Variants in GABRB2 observed in about 807,000 individuals in gnomAD.
GABRB2 encodes the protein gamma-aminobutyric acid type A receptor subunit beta2, also known as gamma-aminobutyric acid receptor subunit beta-2.
Under a neutral mutation model 54.7 loss-of-function variants are expected in GABRB2, and 16 were observed. That is an observed-to-expected ratio of 0.29 (90% confidence interval 0.20 to 0.44). The LOEUF is 0.44. Among genes scored for constraint, GABRB2 ranks in the 20% least tolerant of loss-of-function variants. The pLI, the probability that GABRB2 is intolerant of heterozygous loss-of-function variation, is 1.00. For synonymous variants in GABRB2, 244 were observed against 233.8 expected, an observed-to-expected ratio of 1.04 and a Z score of -0.40; for missense variants, 355 against 644.0, an observed-to-expected ratio of 0.55 and a Z score of 4.86.
intron 4 of GABRB2, chr5:161,459,346 C>G: frequency 2.3e-6 from 1 of 433,412 alleles, no homozygotes; most frequent in Non-Finnish European, 4.2e-6. Context: ...TATGTCTCAG[C>G]TATTTTGATA....
At chr5:161,337,773 C>G (rs941912794) in intron 5 of GABRB2, among the ~76,000 whole-genome samples, 6 of 151,954 alleles carry the variant, frequency 3.9e-5, no homozygotes, top group Non-Finnish European at 8.8e-5. Context: ...TAATATCTTA[C>G]AAATTCACCC....
intron 3 of GABRB2, among the ~76,000 whole-genome samples, chr5:161,501,453 A>C (rs1759439522): frequency 6.6e-6 from 1 of 152,168 alleles, no homozygotes; most frequent in African/African-American, 2.4e-5. Context: ...GAAGTTGTTA[A>C]CTATGCTACT....
At chr5:161,516,901 G>T (rs1469673886) in intron 3 of GABRB2, among the ~76,000 whole-genome samples, 1 of 152,088 alleles carries the variant, frequency 6.6e-6, no homozygotes, top group Non-Finnish European at 1.5e-5. Flanking sequence ...ATGTCTATTA[G>T]TTCCCAACCC....
In GABRB2 at chr5:161,398,932, T is replaced by C. The variant is rs547760813; in HGVS notation, c.541+12043A>G. ...ATCGATCTCTTCACTGTTTTATTTT[T>C]TGCCACCAATTTCCAACTCAAAGTT... On this transcript the variant is annotated intron_variant, in intron 5 of 9. Coordinates refer to ENST00000393959, the MANE Select transcript of GABRB2 (RefSeq NM_001371727.1). Among the ~76,000 whole-genome samples the C allele has an allele frequency of 2.6e-5, 4 of 152,210 alleles. No individual in the cohort carries two copies. In the South Asian group the frequency reaches 8.3e-4, roughly 32 times the overall value.
chr5:161,339,692 T>C (rs962570746), intron 5 of GABRB2, among the ~76,000 whole-genome samples: 1 of 152,138 alleles, frequency 6.6e-6, no homozygotes, highest in African/African-American at 2.4e-5. Flanking sequence ...AATCATTTTA[T>C]AGGTGAACAG....
At chr5:161,541,479 A>G (rs1760815156) in intron 3 of GABRB2, among the ~76,000 whole-genome samples, 1 of 152,196 alleles carries the variant, frequency 6.6e-6, no homozygotes, top group South Asian at 2.1e-4. Context: ...CTTATCTAAT[A>G]AAGTCTTTTG....
chr5:161,443,714 C>T (rs763954827), intron 4 of GABRB2, among the ~76,000 whole-genome samples: 1 of 152,182 alleles, frequency 6.6e-6, no homozygotes, highest in Non-Finnish European at 1.5e-5. Context: ...CTCTGCCCAG[C>T]CCCTGGCCAC....
At chr5:161,478,618 T>C (rs983583171) in intron 3 of GABRB2, among the ~76,000 whole-genome samples, 1 of 151,980 alleles carries the variant, frequency 6.6e-6, no homozygotes, top group Non-Finnish European at 1.5e-5. Context: ...TTGAAAGAGA[T>C]ATTGGGAGAG....
At chr5:161,537,733 T>C (rs1760686113) in intron 3 of GABRB2, among the ~76,000 whole-genome samples, 1 of 152,186 alleles carries the variant, frequency 6.6e-6, no homozygotes, top group African/African-American at 2.4e-5. Context: ...TGCAATTCTA[T>C]TGACACTATT....
In GABRB2 at chr5:161,290,543, C is replaced by G. The variant is rs1580950578; in HGVS notation, c.*3538G>C. 1 of 152,450 alleles carries G rather than the reference C, an allele frequency of 6.6e-6. No individual in the cohort carries two copies. The highest frequency in any genetic ancestry group is 1.5e-5 in the Non-Finnish European group (1 of 67,974). 9.4% of individuals were successfully genotyped at this position (152,450 alleles called of 1,614,324 possible). On this transcript the variant is annotated 3_prime_UTR_variant, in exon 10 of 10. Transcript: ENST00000393959. ...ATTTTTGTTTGCCAAATTAAAAATA[C>G]TCATATACTGGTTTAATGAAGGAAA...
intron 5 of GABRB2, among the ~76,000 whole-genome samples, chr5:161,378,207 A>C (rs112738699): frequency 0.024 from 3,658 of 152,152 alleles, 144 homozygotes; most frequent in African/African-American, 0.082. Flanking sequence ...ATTATCTGTA[A>C]ATTGGAAGGA....
chr5:161,459,587 T>A (rs1758058991), intron 4 of GABRB2, 37 bp downstream of exon 4: 1 of 1,524,312 alleles, frequency 6.6e-7, no homozygotes, highest in Non-Finnish European at 9.1e-7. Context: ...GCTATTTTGT[T>A]CAGGAAAAGT....
At chr5:161,499,858 AT>A (rs926964286) in intron 3 of GABRB2, among the ~76,000 whole-genome samples, 11 of 151,406 alleles carry the variant, frequency 7.3e-5, no homozygotes, top group South Asian at 2.1e-4. Flanking sequence ...TCTATTAATA[AT>A]TTTTTTTTAG....
intron 5 of GABRB2, among the ~76,000 whole-genome samples, chr5:161,404,262 A>C (rs2113091760): frequency 6.6e-6 from 1 of 152,242 alleles, no homozygotes; most frequent in East Asian, 1.9e-4. Context: ...ACAACACTGG[A>C]CACAATTCAA....
chr5:161,490,756 A>G (rs948264693), intron 3 of GABRB2, among the ~76,000 whole-genome samples: 2 of 151,746 alleles, frequency 1.3e-5, no homozygotes, highest in African/African-American at 2.4e-5. Flanking sequence ...GTTAATAAAA[A>G]CACGTAAGTG....
intron 7 of GABRB2, among the ~76,000 whole-genome samples, chr5:161,334,239 A>G (rs1753929043): frequency 6.9e-6 from 1 of 145,716 alleles, no homozygotes; most frequent in Admixed American, 6.8e-5. Flanking sequence ...GTTTGTTAGA[A>G]AAAAACAGCA....
At chr5:161,477,902 G>A (rs1181042811) in intron 3 of GABRB2, among the ~76,000 whole-genome samples, 1 of 151,954 alleles carries the variant, frequency 6.6e-6, no homozygotes, top group African/African-American at 2.4e-5. Context: ...CTATGTGTAT[G>A]TAATAACACC....
intron 5 of GABRB2, among the ~76,000 whole-genome samples, chr5:161,364,965 C>A (rs550032689): frequency 1.3e-5 from 2 of 152,280 alleles, no homozygotes; most frequent in South Asian, 4.1e-4. Flanking sequence ...CCAAATCTCA[C>A]TCCCATGAAT....
chr5:161,452,686 C>G (rs570690059), intron 4 of GABRB2, among the ~76,000 whole-genome samples: 1 of 152,064 alleles, frequency 6.6e-6, no homozygotes, highest in Non-Finnish European at 1.5e-5. Context: ...ACCTCCTGAA[C>G]CTAAAATTTT....
Sources: allele counts gnomAD v4.1 joint callset (sites outside exome capture counted in the v4.1 genomes callset), GRCh38; gene constraint gnomAD v4.1.1; transcripts MANE v1.5; gene names NCBI Gene and HGNC (gene_info 2026-07-23, HGNC 2026-07-21).